PHF21A: variants seen among roughly 807,000 people sequenced by gnomAD.
PHF21A encodes the protein PHD finger protein 21A.
Under a neutral mutation model 82.5 loss-of-function variants are expected in PHF21A, and 11 were observed. That is an observed-to-expected ratio of 0.13 (90% CI 0.08 to 0.22). PHF21A has a LOEUF of 0.22. Among genes scored for constraint, PHF21A ranks in the 10% least tolerant of loss-of-function variants. The pLI, the probability that PHF21A is intolerant of heterozygous loss-of-function variation, is 1.00. For synonymous variants in PHF21A, 297 were observed against 302.8 expected (o/e 0.98, Z 0.20); for missense variants, 579 against 837.8 (o/e 0.69, Z 3.81).
intron 1 of PHF21A, among the ~76,000 whole-genome samples, chr11:46,108,085 T>C (rs1292169806): frequency 6.6e-6 from 1 of 152,198 alleles, no homozygotes; most frequent in African/African-American, 2.4e-5. Flanking sequence ...TCCTACTTTT[T>C]ATTTTTTCTT....
chr11:45,968,699 C>A (rs1353872538), intron 9 of PHF21A, among the ~76,000 whole-genome samples: 2 of 151,940 alleles, frequency 1.3e-5, no homozygotes, highest in African/African-American at 4.8e-5. Flanking sequence ...GAGGCCGAGG[C>A]AGGTGGATCA....
chr11:45,953,892 T>C (rs1028249319), intron 10 of PHF21A, among the ~76,000 whole-genome samples: 7 of 152,192 alleles, frequency 4.6e-5, no homozygotes, highest in African/African-American at 1.7e-4. Flanking sequence ...AAGAAAAGTA[T>C]GGTTTAATTC....
intron 8 of PHF21A, chr11:45,970,194 C>G: frequency 3.2e-6 from 1 of 315,524 alleles, no homozygotes; most frequent in East Asian, 8.6e-5. Context: ...AGAACTTTTG[C>G]ATTAACATAT....
intron 6 of PHF21A, among the ~76,000 whole-genome samples, chr11:46,025,589 C>A (rs1424411471): frequency 6.6e-6 from 1 of 152,114 alleles, no homozygotes; most frequent in Non-Finnish European, 1.5e-5. Flanking sequence ...TTTGATTATG[C>A]TCTTATAATC....
At chr11:46,051,524 T>C (rs1358664984) in intron 6 of PHF21A, among the ~76,000 whole-genome samples, 4 of 152,162 alleles carry the variant, frequency 2.6e-5, no homozygotes, top group Non-Finnish European at 5.9e-5. Context: ...TGGGTTGAAA[T>C]TGCCTAAGGA....
At chr11:46,097,348 G>T (rs984615375) in intron 1 of PHF21A, among the ~76,000 whole-genome samples, 1 of 151,980 alleles carries the variant, frequency 6.6e-6, no homozygotes, top group Non-Finnish European at 1.5e-5. Flanking sequence ...ACTCGAAGCC[G>T]TCCCATCTCC....
At chr11:46,087,024 A>G (rs147378528) in intron 3 of PHF21A, among the ~76,000 whole-genome samples, 5 of 152,336 alleles carry the variant, frequency 3.3e-5, no homozygotes, top group African/African-American at 1.2e-4. Flanking sequence ...CTGAAGACCT[A>G]TAAGATAATA....
chr11:46,041,941 A>G (rs2096150714), intron 6 of PHF21A, among the ~76,000 whole-genome samples: 1 of 152,158 alleles, frequency 6.6e-6, no homozygotes, highest in African/African-American at 2.4e-5. Flanking sequence ...AAAATTTTAC[A>G]CTATGAGATC....
chr11:46,119,111 T>TAAAAA (rs33935532), intron 1 of PHF21A, among the ~76,000 whole-genome samples: 1 of 150,046 alleles, frequency 6.7e-6, no homozygotes. Context: ...ACAACTGCTT[T>TAAAAA]AAAAAAAAAA....
At chr11:45,954,185 C>G (rs1049038327) in intron 10 of PHF21A, among the ~76,000 whole-genome samples, 1 of 152,020 alleles carries the variant, frequency 6.6e-6, no homozygotes, top group African/African-American at 2.4e-5. Flanking sequence ...GTAGTAGAGA[C>G]GGGGTTTCAC....
At chr11:45,971,044 A>G (rs993214522) in intron 8 of PHF21A, 72 bp downstream of exon 8, 1 of 1,506,638 alleles carries the variant, frequency 6.6e-7, no homozygotes, top group African/African-American at 1.4e-5. Flanking sequence ...GGAGCCTAGA[A>G]GGGATATACT....
intron 9 of PHF21A, among the ~76,000 whole-genome samples, chr11:45,966,056 A>C (rs2093414672): frequency 6.6e-6 from 1 of 151,640 alleles, no homozygotes; most frequent in Non-Finnish European, 1.5e-5. Flanking sequence ...TTGTGGGCTT[A>C]CTCTTCCTCT....
intron 6 of PHF21A, among the ~76,000 whole-genome samples, chr11:45,990,730 A>C (rs2094669407): frequency 6.6e-6 from 1 of 151,698 alleles, no homozygotes; most frequent in South Asian, 2.1e-4. Context: ...TTTTTAAAGA[A>C]GACTTTATTT....
At position 45,949,404 on chromosome 11, in the gene PHF21A, C is replaced by T; in HGVS notation, c.1225G>A (p.Glu409Lys). The change falls in exon 13 of 19, where the codon GAG (glutamate) becomes AAG (lysine). Residue 409 changes from glutamate to lysine, a missense_variant and splice_region_variant. Around this residue, in one of 3 missense-constraint regions of PHF21A, gnomAD observed 410 missense variants for 642.1 expected, o/e 0.64. Coordinates refer to ENST00000676320, the MANE Select transcript of PHF21A (RefSeq NM_001352027.3). ...GGCCAGATGCTGGCCAGTAATACCTCTGGCTCAAAGACTGCTCCACTGTAG... is the reference window on the plus strand; with the variant it reads ...GGCCAGATGCTGGCCAGTAATACCTTTGGCTCAAAGACTGCTCCACTGTAG... ...PVYSGAVFEPERKKSAVTYLN... is the reference protein window; with the variant it reads ...PVYSGAVFEPKRKKSAVTYLN... The T allele has an allele frequency of 6.2e-7, 1 of 1,613,738 alleles. No individual in the cohort carries two copies. The highest frequency in any genetic ancestry group is 1.3e-5 in the African/African-American group (1 of 75,074).
intron 1 of PHF21A, among the ~76,000 whole-genome samples, chr11:46,111,072 A>T (rs1454992461): frequency 6.7e-6 from 1 of 149,534 alleles, no homozygotes; most frequent in African/African-American, 2.4e-5. Flanking sequence ...GGCGTGAGCC[A>T]CCGCGCCTGG....
chr11:46,099,213 G>C (rs761331454), intron 1 of PHF21A, among the ~76,000 whole-genome samples: 13 of 151,948 alleles, frequency 8.6e-5, no homozygotes, highest in Non-Finnish European at 1.9e-4. Flanking sequence ...CCCAACTATA[G>C]CCAGAAGCTT....
intron 6 of PHF21A, among the ~76,000 whole-genome samples, chr11:45,987,553 C>T (rs757834075): frequency 1.4e-5 from 2 of 141,846 alleles, no homozygotes; most frequent in Non-Finnish European, 3.0e-5. Flanking sequence ...CCCAGCTACT[C>T]GGGAGGCTGA....
intron 6 of PHF21A, among the ~76,000 whole-genome samples, chr11:46,011,593 C>G (rs1354871514): frequency 6.6e-6 from 1 of 152,096 alleles, no homozygotes; most frequent in Admixed American, 6.5e-5. Flanking sequence ...AAGACATGTC[C>G]CACTTGGTGG....
intron 6 of PHF21A, among the ~76,000 whole-genome samples, chr11:46,018,036 G>A (rs1363141335): frequency 6.6e-6 from 1 of 152,024 alleles, no homozygotes; most frequent in Non-Finnish European, 1.5e-5. Context: ...GGATCACGAG[G>A]TCAGGAGATC....
Sources: gnomAD v4.1 joint callset for allele counts (sites outside exome capture counted in the v4.1 genomes callset) on GRCh38, gnomAD v4.1.1 for gene constraint, gnomAD v4.1.1 regional missense constraint, MANE v1.5 for transcripts, NCBI Gene and HGNC (gene_info 2026-07-23, HGNC 2026-07-21) for gene names.